MDM1: variants seen among roughly 807,000 people sequenced by gnomAD.
The protein encoded by MDM1 is stabilizer of axonemal microtubules 6.
MDM1 carries 61 observed loss-of-function variants against 89.1 expected under a neutral mutation model. The ratio of observed to expected loss-of-function variants is 0.68; its 90% CI spans 0.56 to 0.85. MDM1 has a LOEUF of 0.85. Among genes scored for constraint, MDM1 ranks in the 40% least tolerant of loss-of-function variants. MDM1 has a pLI of 0.00. For missense variants in MDM1, 820 were observed against 846.5 expected, an observed-to-expected ratio of 0.97 and a Z score of 0.39; for synonymous variants, 290 against 294.1, an observed-to-expected ratio of 0.99 and a Z score of 0.14.
chr12:68,316,598 C>A lies in MDM1; in HGVS notation c.1018G>T (p.Ala340Ser), dbSNP rs1253208294. The A allele has an allele frequency of 5.9e-6, 9 of 1,534,796 alleles. No homozygotes were observed. Among genetic ancestry groups the A allele is most frequent in the Non-Finnish European group, 7.9e-6 (9 of 1,146,002 alleles). Residue 340 changes from alanine to serine, a missense_variant, in exon 8 of 15, where the codon GCC (alanine) becomes TCC (serine). Ala to Ser is a moderately conservative substitution (Grantham distance 99). Transcript: ENST00000682720. Reference protein sequence around the residue: ...GNMPNQGSLNAMWYAEVKELR... With the variant: ...GNMPNQGSLNSMWYAEVKELR... ...CAACCAACCTCAGCATACCACATGG[C>A]ATTTAGAGAACCCTAGAGAAGGAAT...
chr12:68,324,878 A>C (rs11177167), intron 4 of MDM1: 289,231 of 429,282 alleles, frequency 0.67, 98,082 homozygotes, highest in Middle Eastern at 0.7. Context: ...CTCAATACTA[A>C]AATTGTGCAG....
intron 7 of MDM1, among the ~76,000 whole-genome samples, chr12:68,318,897 G>A (rs1024569585): frequency 6.6e-6 from 1 of 151,966 alleles, no homozygotes; most frequent in South Asian, 2.1e-4. Flanking sequence ...CAAGAAACTG[G>A]GGATAAAAAC....
Position 68,323,233 on chromosome 12 carries a change from T to G in MDM1, c.641A>C (p.His214Pro). 6.4e-7 allele frequency: 1 copy of G among 1,553,108 alleles called. No homozygotes were observed. Among genetic ancestry groups the G allele is most frequent in the African/African-American group, 1.4e-5 (1 of 70,940 alleles). Residue 214 changes from histidine (H) to proline (P), a missense_variant, in exon 5 of 15, where the codon CAC becomes CCC. His to Pro is a moderately conservative substitution (Grantham distance 77). Transcript: ENST00000682720. ...APAFAANQVF[H>P]NKSQFVPPFK... ...TGGTGGAACAAACTGGCTTTTATTG[T>G]GGAAAACCTTAAAACAAAAATTATT...
At chr12:68,317,586 T>A (rs973018292) in intron 7 of MDM1, among the ~76,000 whole-genome samples, 1 of 152,166 alleles carries the variant, frequency 6.6e-6, no homozygotes, top group Non-Finnish European at 1.5e-5. Context: ...AGAGTCCTAC[T>A]CTAATGAACC....
chr12:68,316,772 C>T (rs1430272191), intron 7 of MDM1, among the ~76,000 whole-genome samples, 162 bp from the exon 8 acceptor site: 6 of 152,100 alleles, frequency 3.9e-5, no homozygotes, highest in South Asian at 2.1e-4. Flanking sequence ...ACCAAGATAC[C>T]TTATTATTAT....
chr12:68,330,292 G>C (rs998624040), intron 2 of MDM1, among the ~76,000 whole-genome samples: 4 of 150,864 alleles, frequency 2.7e-5, no homozygotes, highest in Non-Finnish European at 5.9e-5. Context: ...TATTTCTCTC[G>C]GCCAATAACG....
At chr12:68,315,858 A>C (rs1411509274) in intron 9 of MDM1, among the ~76,000 whole-genome samples, 1 of 152,180 alleles carries the variant, frequency 6.6e-6, no homozygotes, top group Admixed American at 6.5e-5. Context: ...AATATTATAA[A>C]AATCTAGCCT....
rs769451196 is a variant in MDM1 at position 68,326,940 on chromosome 12, T to A, written c.215A>T (p.Asn72Ile). The change falls in exon 3 of 15, where the codon AAT becomes ATT. Residue 72 changes from asparagine to isoleucine, a missense_variant. Physicochemically the swap from Asn to Ile is moderately radical, Grantham distance 149. Transcript: ENST00000682720. ...DPQISKSLEW[N>I]GAISESNVVA... ...CACATTGCTCTCTGAGATAGCTCCA[T>A]TCCACTCCAGAGATTTTGAAATCTG... 21 of 1,614,052 alleles carry A rather than the reference T, an allele frequency of 1.3e-5. No individual in the cohort carries two copies. Among genetic ancestry groups the A allele is most frequent in the Non-Finnish European group, 1.7e-5 (20 of 1,179,998 alleles).
chr12:68,315,332 TA>T, intron 9 of MDM1, 67 bp from the exon 10 acceptor site: 1 of 1,431,446 alleles, frequency 7.0e-7, no homozygotes, highest in African/African-American at 1.4e-5. Flanking sequence ...ACACCAATTT[TA>T]GTGAGTCCAT....
intron 4 of MDM1, chr12:68,324,936 C>T: frequency 1.1e-6 from 1 of 887,750 alleles, no homozygotes; most frequent in Non-Finnish European, 1.3e-6. Context: ...TTGAATTTTA[C>T]AAATATAGTT....
At chr12:68,332,080 T>TCTGGGGCCCCTCGAGCAGGCC (rs1455998481) in intron 1 of MDM1, 148 bp downstream of exon 1, 16 of 1,100,504 alleles carry the variant, frequency 1.5e-5, no homozygotes. Flanking sequence ...GCGGGCAGAT[T>TCTGGGGCCCCTCGAGCAGGCC]CTGGGGCCCC....
chr12:68,321,420 T>A lies in MDM1; in HGVS notation c.932A>T (p.Lys311Ile). 1 of 1,613,794 alleles carries A rather than the reference T, an allele frequency of 6.2e-7. No individual in the cohort carries two copies. The highest frequency in any genetic ancestry group is 8.5e-7 in the Non-Finnish European group (1 of 1,179,872). Residue 311 changes from lysine (K) to isoleucine (I), a missense_variant, in exon 7 of 15, where the codon AAA (lysine) becomes ATA (isoleucine). Transcript: ENST00000682720. ...TAAATACTGAGCTGGGCTCAGAAAT[T>A]TTGCTCTATATTCGGAATTCACCTT... ...LGKVNSEYRAKFLSPAQYLYK... is the reference protein window; with the variant it reads ...LGKVNSEYRAIFLSPAQYLYK...
At position 68,323,143 on chromosome 12, in the gene MDM1, A is replaced by T. The variant is rs1233710757; in HGVS notation, c.731T>A (p.Val244Glu). Residue 244 changes from valine to glutamate, a missense_variant, in exon 5 of 15, where the codon GTG becomes GAG. Coordinates refer to ENST00000682720, the MANE Select transcript of MDM1 (RefSeq NM_001354969.2). ...YKRNFKGLSP[V>E]KEPKLRNDLR... is the part of the protein sequence containing the mutation. ...ATCATTTCTTAATTTTGGTTCTTTC[A>T]CTGGAGATAAACCCTTGAAATTTCT... The T allele has an allele frequency of 6.2e-7, 1 of 1,610,670 alleles. No homozygotes were observed. The highest frequency in any genetic ancestry group is 8.5e-7 in the Non-Finnish European group (1 of 1,178,882).
rs962399037 is a variant in MDM1 at position 68,331,366 on chromosome 12, A to C, written c.19-145T>G. 4.0e-5 allele frequency: 26 copies of C among 642,972 alleles called. No individual in the cohort carries two copies. The African/African-American group carries it at 4.5e-4, about 11-fold the overall frequency. 39.8% of individuals were successfully genotyped at this position (642,972 alleles called of 1,614,324 possible). A position where few individuals can be genotyped will look rare whatever the true frequency, so the allele number is the denominator to read the frequency against. ...CAGACGAGCTCCTTAATAAGAGCTAATATTCACCCAGCCCTGTGCTAAGCA... is the reference window on the plus strand; with the variant it reads ...CAGACGAGCTCCTTAATAAGAGCTACTATTCACCCAGCCCTGTGCTAAGCA... On this transcript the variant is annotated intron_variant, in intron 1 of 14. Transcript: ENST00000682720.
chr12:68,298,703 C>T (rs1871745843), intron 13 of MDM1, among the ~76,000 whole-genome samples: 1 of 152,152 alleles, frequency 6.6e-6, no homozygotes, highest in Non-Finnish European at 1.5e-5. Flanking sequence ...TGAGAGCTCC[C>T]CCAGCCACCT....
At chr12:68,309,399 T>C (rs1258803388) in intron 12 of MDM1, among the ~76,000 whole-genome samples, 2 of 152,268 alleles carry the variant, frequency 1.3e-5, no homozygotes, top group African/African-American at 2.4e-5. Flanking sequence ...ATTAGAACAA[T>C]TCCTTCCAGA....
At chr12:68,305,068 A>C (rs969643588) in intron 12 of MDM1, among the ~76,000 whole-genome samples, 1 of 152,206 alleles carries the variant, frequency 6.6e-6, no homozygotes, top group Non-Finnish European at 1.5e-5. Context: ...TTTTGGTATC[A>C]GGATGATACT....
In MDM1 at chr12:68,316,140, G is replaced by A. The variant is rs1482213398; in HGVS notation, c.1149C>T (p.Val383=). The A allele has an allele frequency of 3.1e-6, 5 of 1,614,034 alleles. No individual in the cohort carries two copies. The highest frequency in any genetic ancestry group is 8.5e-7 in the Non-Finnish European group (1 of 1,179,956). ...TTCCTTCTGAGCTTGTGGTTGAGGA[G>A]ACATCCCAACAGCAGTTGCTATCAG... ...ILSDSNCCWD[V]SSTTSSEGTV... Residue 383 remains valine (V), a synonymous_variant, in exon 9 of 15, where the codon GTC becomes GTT. Transcript: ENST00000682720.
chr12:68,332,153 G>T (rs535269260), intron 1 of MDM1, 75 bp downstream of exon 1: 14 of 1,500,262 alleles, frequency 9.3e-6, no homozygotes, highest in Non-Finnish European at 3.6e-6. Context: ...GAAAAGCAGC[G>T]TGACCTCGGC....
Sources: allele counts gnomAD v4.1 joint callset (sites outside exome capture counted in the v4.1 genomes callset), GRCh38; gene constraint gnomAD v4.1.1; transcripts MANE v1.5; gene names NCBI Gene and HGNC (gene_info 2026-07-23, HGNC 2026-07-21).